PASK: variants seen among roughly 807,000 people sequenced by gnomAD.
The protein encoded by PASK is PAS domain containing serine/threonine kinase.
PASK carries 110 observed loss-of-function variants against 121.0 expected under a neutral mutation model. The observed-to-expected ratio is 0.91, with a 90% CI of 0.78 to 1.06. The LOEUF (loss-of-function observed/expected upper bound fraction) is 1.06. PASK is among the 50% of genes least tolerant of loss of function. The probability of loss-of-function intolerance (pLI) is 0.00; values close to 1 mark genes in which losing one functional copy is unlikely to be tolerated. For missense variants in PASK, 1,643 were observed against 1,702.3 expected, an observed-to-expected ratio of 0.97 and a Z score of 0.61; for synonymous variants, 686 against 717.8, an observed-to-expected ratio of 0.96 and a Z score of 0.71.
intron 15 of PASK, chr2:241,109,463 G>A (rs944967266): frequency 6.7e-6 from 1 of 150,338 alleles, no homozygotes; most frequent in African/African-American, 2.4e-5. Context: ...TTAGACAAGG[G>A]AGCCAAGAGA....
chr2:241,127,497 G>C, intron 9 of PASK, 46 bp from the exon 10 acceptor site: 2 of 1,412,624 alleles, frequency 1.4e-6, no homozygotes, highest in Non-Finnish European at 1.0e-6. Flanking sequence ...CCACAGATGA[G>C]TCAAAAGGAG....
At chr2:241,107,139 C>CCACA (rs753271406) in intron 17 of PASK, among the ~76,000 whole-genome samples, 108 of 152,306 alleles carry the variant, frequency 7.1e-4, no homozygotes, top group Non-Finnish European at 1.5e-3. Flanking sequence ...AGGTCCAAAG[C>CCACA]CACACCCTGA....
chr2:241,130,513 C>A (rs944162152), intron 9 of PASK, among the ~76,000 whole-genome samples: 1 of 152,072 alleles, frequency 6.6e-6, no homozygotes, highest in African/African-American at 2.4e-5. Flanking sequence ...GTTGAGCACC[C>A]ACGGGTCAGA....
chr2:241,137,997 T>G lies in PASK; in HGVS notation c.832A>C (p.Ile278Leu). ...DVAGQHITDLIPSVQLPPSGQ... is the reference protein window; with the variant it reads ...DVAGQHITDLLPSVQLPPSGQ... ...GAAGGAGGGAGCTGCACAGAAGGGA[T>G]CAGGTCTGTGATATGCTGCCCAGCC... is the stretch of plus-strand genomic sequence containing the variant. The change falls in exon 6 of 18, where the codon ATC (isoleucine) becomes CTC (leucine). Residue 278 changes from isoleucine to leucine, a missense_variant. Around this residue, in one of 3 missense-constraint regions of PASK, gnomAD observed 1,176 missense variants for 1,162.2 expected, o/e 1.01. Coordinates refer to ENST00000234040, the MANE Select transcript of PASK (RefSeq NM_015148.4). The G allele has an allele frequency of 6.2e-7, 1 of 1,614,144 alleles. No homozygotes were observed. The highest frequency in any genetic ancestry group is 8.5e-7 in the Non-Finnish European group (1 of 1,180,002).
At chr2:241,144,137 TGTGTACATGA>T in intron 1 of PASK, among the ~76,000 whole-genome samples, 1 of 151,164 alleles carries the variant, frequency 6.6e-6, no homozygotes, top group Non-Finnish European at 1.5e-5. Flanking sequence ...CGTGTGCACA[TGTGTACATGA>T]GCGTGTGTGT....
At chr2:241,149,322 C>T (rs143744501) in intron 1 of PASK, 92 bp downstream of exon 1, 643 of 233,038 alleles carry the variant, frequency 2.8e-3, no homozygotes, top group Non-Finnish European at 4.3e-3. Flanking sequence ...GGCGGATCCT[C>T]CTGGGCCAGG....
Position 241,127,300 on chromosome 2 carries a change from C to A in PASK, c.1615G>T (p.Asp539Tyr). The A allele has an allele frequency of 6.2e-7, 1 of 1,614,256 alleles. No individual in the cohort carries two copies. Among genetic ancestry groups the A allele is most frequent in the Non-Finnish European group, 8.5e-7 (1 of 1,180,052 alleles). Residue 539 changes from aspartate to tyrosine, a missense_variant, in exon 10 of 18, where the codon GAT (aspartate) becomes TAT (tyrosine). Asp to Tyr is a radical substitution (Grantham distance 160). Transcript: ENST00000234040. Reference protein sequence around the residue: ...LLGESRSEPVDVKPFASCEDS... With the variant: ...LLGESRSEPVYVKPFASCEDS... Reference sequence around the variant, plus strand: ...TCGCAGGAAGCAAATGGCTTCACATCCACTGGTTCAGACCTGCTTTCTCCC... The same window carrying A: ...TCGCAGGAAGCAAATGGCTTCACATACACTGGTTCAGACCTGCTTTCTCCC...
chr2:241,120,723 G>A (rs1056986772), intron 12 of PASK, among the ~76,000 whole-genome samples: 9 of 152,170 alleles, frequency 5.9e-5, no homozygotes, highest in South Asian at 4.1e-4. Flanking sequence ...CACTGCTGAT[G>A]GGAATGTAAA....
chr2:241,139,717 G>C (rs1388392590), intron 4 of PASK, 168 bp downstream of exon 4: 3 of 730,782 alleles, frequency 4.1e-6, no homozygotes, highest in Non-Finnish European at 7.5e-6. Context: ...CCCCACTGCA[G>C]CTGAAGCGGG....
intron 9 of PASK, among the ~76,000 whole-genome samples, chr2:241,132,600 C>A (rs13382756): frequency 0.18 from 26,716 of 146,970 alleles, 4,007 homozygotes; most frequent in African/African-American, 0.42. Context: ...AAATCTACCT[C>A]AACATTCTGG....
chr2:241,130,853 T>C (rs1489354414), intron 9 of PASK, among the ~76,000 whole-genome samples: 1 of 152,140 alleles, frequency 6.6e-6, no homozygotes. Flanking sequence ...CTGCAGGACA[T>C]GTGTGTGCGT....
chr2:241,133,196 C>T, intron 8 of PASK, 166 bp from the exon 9 acceptor site: 1 of 700,350 alleles, frequency 1.4e-6, no homozygotes, highest in South Asian at 1.5e-5. Context: ...TCTTCTCTGC[C>T]TCCTGTCTCC....
intron 11 of PASK, 29 bp downstream of exon 11, chr2:241,123,920 C>G: frequency 6.3e-7 from 1 of 1,593,640 alleles, no homozygotes; most frequent in Non-Finnish European, 8.6e-7. Context: ...AAGGCAAGTC[C>G]AGGGCAGGCA....
intron 12 of PASK, 95 bp downstream of exon 12, chr2:241,122,637 C>G (rs2065663752): frequency 8.4e-7 from 1 of 1,185,622 alleles, no homozygotes; most frequent in Non-Finnish European, 1.3e-6. Flanking sequence ...ACCTAGAGGA[C>G]TCCTCCAAAA....
chr2:241,118,684 C>A, intron 12 of PASK: 1 of 182,728 alleles, frequency 5.5e-6, no homozygotes, highest in Non-Finnish European at 1.2e-5. Flanking sequence ...TAAAAGAGAC[C>A]AACTAAACGT....
intron 9 of PASK, among the ~76,000 whole-genome samples, chr2:241,127,974 C>T (rs2065955762): frequency 6.6e-6 from 1 of 152,220 alleles, no homozygotes; most frequent in South Asian, 2.1e-4. Context: ...ATGGGGCCCA[C>T]ACAGAAGGGG....
chr2:241,135,759 T>G, intron 8 of PASK, 112 bp downstream of exon 8: 1 of 1,009,890 alleles, frequency 9.9e-7, no homozygotes, highest in Non-Finnish European at 1.5e-6. Flanking sequence ...CCACCACCCC[T>G]GAGCCTCTGG....
At chr2:241,114,747 A>T (rs1264521908) in intron 14 of PASK, 1 of 1,388,968 alleles carries the variant, frequency 7.2e-7, no homozygotes. Context: ...TTACTGGTTA[A>T]TTTTTATGAT....
At chr2:241,141,749 A>C (rs1000965014) in intron 2 of PASK, among the ~76,000 whole-genome samples, 1 of 151,214 alleles carries the variant, frequency 6.6e-6, no homozygotes, top group African/African-American at 2.4e-5. Flanking sequence ...TGACCCTTCC[A>C]TTTCTCTCCC....
Sources: allele counts gnomAD v4.1 joint callset (sites outside exome capture counted in the v4.1 genomes callset), GRCh38; gene constraint gnomAD v4.1.1; regional missense constraint gnomAD v4.1.1; transcripts MANE v1.5; gene names NCBI Gene and HGNC (gene_info 2026-07-23, HGNC 2026-07-21).